Variants in NRXN3 observed in about 807,000 individuals in gnomAD.
NRXN3 encodes neurexin III.
NRXN3 carries 32 observed loss-of-function variants against 137.6 expected under a neutral mutation model. The ratio of observed to expected loss-of-function variants is 0.23; its 90% CI spans 0.18 to 0.31. NRXN3 has a LOEUF of 0.31. Ranked by LOEUF, NRXN3 falls within the 10% of genes least tolerant of loss-of-function variation. The pLI, the probability that NRXN3 is intolerant of heterozygous loss-of-function variation, is 1.00. For missense variants in NRXN3, 1,574 were observed against 2,062.5 expected (o/e 0.76, Z 4.59); for synonymous variants, 798 against 784.5 (o/e 1.02, Z -0.29).
intron 6 of NRXN3, among the ~76,000 whole-genome samples, chr14:78,652,445 A>T (rs2097754499): frequency 6.6e-6 from 1 of 152,224 alleles, no homozygotes; most frequent in South Asian, 2.1e-4. Flanking sequence ...CTTTCAGAAC[A>T]CTGTGGCATC....
chr14:79,343,014 G>C (rs576414338), intron 15 of NRXN3, among the ~76,000 whole-genome samples: 1 of 152,130 alleles, frequency 6.6e-6, no homozygotes, highest in Admixed American at 6.5e-5. Context: ...ATAGGGGGTC[G>C]AGGTGAGGTT....
chr14:79,210,497 C>T (rs2067483014), intron 15 of NRXN3, among the ~76,000 whole-genome samples: 1 of 152,152 alleles, frequency 6.6e-6, no homozygotes, highest in African/African-American at 2.4e-5. Flanking sequence ...GCAACTAACA[C>T]TCTGGTTTAT....
chr14:78,412,894 G>A (rs1459269562), intron 4 of NRXN3, among the ~76,000 whole-genome samples: 1 of 152,206 alleles, frequency 6.6e-6, no homozygotes, highest in African/African-American at 2.4e-5. Flanking sequence ...GGTATTGAAT[G>A]CTGATGTTGT....
intron 4 of NRXN3, among the ~76,000 whole-genome samples, chr14:78,531,117 T>C (rs1237921763): frequency 6.6e-6 from 1 of 152,198 alleles, no homozygotes; most frequent in African/African-American, 2.4e-5. Flanking sequence ...TTTATGGCCA[T>C]TACACACAAA....
At chr14:78,213,392 G>A (rs563203328) in intron 1 of NRXN3, among the ~76,000 whole-genome samples, 41 of 152,286 alleles carry the variant, frequency 2.7e-4, no homozygotes, top group Non-Finnish European at 5.6e-4. Flanking sequence ...AGGATTAAAG[G>A]GGAGGGAGCA....
chr14:79,020,497 T>C (rs2099587790), intron 15 of NRXN3, among the ~76,000 whole-genome samples: 1 of 149,692 alleles, frequency 6.7e-6, no homozygotes, highest in African/African-American at 2.5e-5. Flanking sequence ...ATTCTCAACC[T>C]CAGGTGATCC....
intron 10 of NRXN3, among the ~76,000 whole-genome samples, chr14:78,814,893 G>C (rs2098927017): frequency 6.6e-6 from 1 of 152,132 alleles, no homozygotes; most frequent in Admixed American, 6.5e-5. Flanking sequence ...TGTGCAGTAT[G>C]AATGAATATA....
intron 19 of NRXN3, among the ~76,000 whole-genome samples, chr14:79,737,101 T>C (rs1179433896): frequency 6.6e-6 from 1 of 152,246 alleles, no homozygotes; most frequent in Non-Finnish European, 1.5e-5. Context: ...CACTTGCATA[T>C]ATTATTCCTT....
intron 6 of NRXN3, among the ~76,000 whole-genome samples, chr14:78,672,996 C>T (rs1035745395): frequency 1.3e-5 from 2 of 152,190 alleles, no homozygotes; most frequent in Non-Finnish European, 2.9e-5. Context: ...TCTGATAACA[C>T]TGCTAGTTGT....
chr14:78,550,464 C>G (rs543720601), intron 4 of NRXN3, among the ~76,000 whole-genome samples: 9 of 151,758 alleles, frequency 5.9e-5, no homozygotes, highest in Non-Finnish European at 1.0e-4. Flanking sequence ...CACTCACACT[C>G]AATTATTAGT....
intron 10 of NRXN3, among the ~76,000 whole-genome samples, chr14:78,816,563 G>A (rs367933926): frequency 6.6e-5 from 10 of 151,962 alleles, no homozygotes; most frequent in Admixed American, 2.0e-4. Context: ...AATCAGCACC[G>A]TACATTTAAA....
chr14:79,690,599 T>C (rs2098712989), intron 17 of NRXN3, among the ~76,000 whole-genome samples: 1 of 152,146 alleles, frequency 6.6e-6, no homozygotes, highest in Non-Finnish European at 1.5e-5. Context: ...TTTTATGAGT[T>C]CTTATTTTAA....
intron 16 of NRXN3, among the ~76,000 whole-genome samples, chr14:79,611,199 A>C (rs1272752942): frequency 1.3e-5 from 2 of 152,238 alleles, no homozygotes; most frequent in Non-Finnish European, 2.9e-5. Context: ...CAGTTGCTAA[A>C]GAGATAGAAG....
At chr14:79,159,748 T>C (rs1262144622) in intron 15 of NRXN3, among the ~76,000 whole-genome samples, 1 of 151,892 alleles carries the variant, frequency 6.6e-6, no homozygotes, top group African/African-American at 2.4e-5. Context: ...TTAGCAGAAT[T>C]TGTATTGCTC....
chr14:78,816,368 G>A (rs561066039), intron 10 of NRXN3, among the ~76,000 whole-genome samples: 36 of 151,958 alleles, frequency 2.4e-4, no homozygotes, highest in African/African-American at 7.5e-4. Flanking sequence ...TTATATCCAC[G>A]TTCTTCTCCT....
chr14:78,304,694 C>G (rs2077191868), intron 4 of NRXN3, among the ~76,000 whole-genome samples: 1 of 152,174 alleles, frequency 6.6e-6, no homozygotes, highest in Non-Finnish European at 1.5e-5. Flanking sequence ...ACCCAAAAGC[C>G]AGCAGGGACC....
intron 16 of NRXN3, among the ~76,000 whole-genome samples, chr14:79,545,539 A>C (rs567045251): frequency 4.3e-4 from 66 of 152,278 alleles, no homozygotes; most frequent in Middle Eastern, 6.8e-3. Flanking sequence ...TCAACTGATT[A>C]GCAAATTTAT....
intron 1 of NRXN3, among the ~76,000 whole-genome samples, chr14:78,183,136 C>G (rs770159973): frequency 6.6e-6 from 1 of 152,128 alleles, no homozygotes; most frequent in Non-Finnish European, 1.5e-5. Context: ...GCATGCCGGC[C>G]CCTCTGTGCT....
At chr14:79,108,979 G>C (rs2052974849) in intron 15 of NRXN3, among the ~76,000 whole-genome samples, 1 of 152,142 alleles carries the variant, frequency 6.6e-6, no homozygotes, top group Admixed American at 6.6e-5. Flanking sequence ...CATTTCCCTT[G>C]TAATCACTCT....
Sources: allele counts gnomAD v4.1 joint callset (sites outside exome capture counted in the v4.1 genomes callset), GRCh38; gene constraint gnomAD v4.1.1; transcripts MANE v1.5; gene names NCBI Gene and HGNC (gene_info 2026-07-23, HGNC 2026-07-21).